STK3: variants seen among roughly 807,000 people sequenced by gnomAD.
STK3 encodes serine/threonine kinase 3, also known as serine/threonine-protein kinase 3.
A neutral mutation model predicts 58.0 loss-of-function variants in STK3; 41 were observed. The observed-to-expected ratio is 0.71, with a 90% confidence interval of 0.55 to 0.92. The LOEUF (loss-of-function observed/expected upper bound fraction) is 0.92. Ranked by LOEUF, STK3 falls within the 40% of genes least tolerant of loss-of-function variation. STK3 has a pLI of 0.00. For synonymous variants in STK3, 170 were observed against 191.0 expected (o/e 0.89, Z 0.91); for missense variants, 479 against 602.7 (o/e 0.79, Z 2.15).
the STK3 span, among the ~76,000 whole-genome samples, chr8:98,346,256 G>A: frequency 4.0e-5 from 6 of 149,940 alleles, no homozygotes; most frequent in East Asian, 1.2e-3. Flanking sequence ...TTGCACTTCG[G>A]CCTGGGTGAC....
At chr8:98,361,334 A>AC in the STK3 span, among the ~76,000 whole-genome samples, 3 of 151,732 alleles carry the variant, frequency 2.0e-5, no homozygotes, top group Non-Finnish European at 4.4e-5. Flanking sequence ...ACAAGGCATG[A>AC]CCCCCATATA....
intron 4 of STK3, among the ~76,000 whole-genome samples, chr8:98,718,713 T>C (rs1400987618): frequency 6.6e-6 from 1 of 151,466 alleles, no homozygotes; most frequent in Non-Finnish European, 1.5e-5. Flanking sequence ...ATTAATATAT[T>C]AATGTTGAAC....
intron 1 of STK3, among the ~76,000 whole-genome samples, chr8:98,790,050 C>CCAGGACTAGAGAGATTCA (rs1832714263): frequency 1.6e-5 from 2 of 127,142 alleles, no homozygotes; most frequent in Admixed American, 7.7e-5. Context: ...AAAAAAAAGT[C>CCAGGACTAGAGAGATTCA]CAGGACTAGA....
intron 6 of STK3, 130 bp downstream of exon 6, chr8:98,706,337 G>C: frequency 1.1e-6 from 1 of 951,970 alleles, no homozygotes; most frequent in Non-Finnish European, 1.5e-6. Flanking sequence ...ATCTTTAAGA[G>C]GTAATTTTAC....
At chr8:98,356,430 A>G in the STK3 span, among the ~76,000 whole-genome samples, 3 of 152,174 alleles carry the variant, frequency 2.0e-5, no homozygotes, top group African/African-American at 7.2e-5. Context: ...TAGTTCGCAA[A>G]AGGACAGAGG....
chr8:98,831,237 T>A (rs1174085448), intron 3 of STK3, among the ~76,000 whole-genome samples: 1 of 152,072 alleles, frequency 6.6e-6, no homozygotes, highest in African/African-American at 2.4e-5. Context: ...AAGGTAAAAA[T>A]TTTTCCTTGT....
chr8:98,590,705 A>G (rs1486119897), intron 7 of STK3, among the ~76,000 whole-genome samples: 2 of 152,236 alleles, frequency 1.3e-5, no homozygotes, highest in Non-Finnish European at 2.9e-5. Flanking sequence ...CCTCATGTAG[A>G]AACATGAGTT....
At chr8:98,392,701 T>G (rs1271733783), upstream of STK3, among the ~76,000 whole-genome samples, 1 of 152,260 alleles carries the variant, frequency 6.6e-6, no homozygotes, top group South Asian at 2.1e-4. Context: ...ATGATACTGG[T>G]TTCTACTCCT....
At chr8:98,820,759 C>T (rs1215175398) in intron 1 of STK3, among the ~76,000 whole-genome samples, 2 of 151,362 alleles carry the variant, frequency 1.3e-5, no homozygotes, top group Admixed American at 6.6e-5. Flanking sequence ...GGGTGGATCA[C>T]GAGGTCATGA....
chr8:98,677,985 A>T (rs1823348680), intron 6 of STK3, among the ~76,000 whole-genome samples: 1 of 152,186 alleles, frequency 6.6e-6, no homozygotes, highest in African/African-American at 2.4e-5. Flanking sequence ...GGTTAAGAAA[A>T]CCACATTTGT....
At chr8:98,510,427 GC>G (rs1824418664) in intron 10 of STK3, among the ~76,000 whole-genome samples, 1 of 151,060 alleles carries the variant, frequency 6.6e-6, no homozygotes, top group South Asian at 2.1e-4. Context: ...CCATATATTT[GC>G]CTTCATTTTC....
In STK3 at chr8:98,530,145, C is replaced by T. The variant is rs554322723; in HGVS notation, c.1142-3228G>A. 1.5e-4 allele frequency among the ~76,000 whole-genome samples: 23 copies of T among 152,250 alleles called. No individual in the cohort carries two copies. In the Middle Eastern group the frequency reaches 0.014, roughly 90 times the overall value. On this transcript the variant is annotated intron_variant, in intron 9 of 10. Transcript: ENST00000419617. The stretch of plus-strand genomic sequence containing the variant: ...TATGTTTGTTTGTTTGCCTTCACAA[C>T]GTCAATTTTCTTAAAAATTTCTTTT...
chr8:98,842,677 C>CAAAA (rs1836041538), intron 3 of STK3, among the ~76,000 whole-genome samples: 1 of 151,888 alleles, frequency 6.6e-6, no homozygotes. Flanking sequence ...GATCCTGTCT[C>CAAAA]AAAAACAAAA....
intron 1 of STK3, among the ~76,000 whole-genome samples, chr8:98,792,002 C>T (rs774220085): frequency 1.8e-4 from 27 of 152,128 alleles, no homozygotes; most frequent in Admixed American, 2.0e-4. Context: ...GACAAAAGAA[C>T]GGTCAGCAGA....
At chr8:98,695,421 C>G (rs1824810538) in intron 6 of STK3, among the ~76,000 whole-genome samples, 1 of 152,114 alleles carries the variant, frequency 6.6e-6, no homozygotes, top group African/African-American at 2.4e-5. Flanking sequence ...AGTCCTTGCC[C>G]ATGCCTATGT....
At chr8:98,843,887 C>T (rs1243801153) in intron 3 of STK3, among the ~76,000 whole-genome samples, 1 of 152,210 alleles carries the variant, frequency 6.6e-6, no homozygotes, top group Non-Finnish European at 1.5e-5. Context: ...CGTGATGGTG[C>T]ATGCCTGTAA....
At chr8:98,724,975 A>C (rs1356045835) in intron 4 of STK3, among the ~76,000 whole-genome samples, 1 of 152,204 alleles carries the variant, frequency 6.6e-6, no homozygotes, top group Non-Finnish European at 1.5e-5. Context: ...ATAAAAAATG[A>C]ACATGTCCTT....
chr8:98,800,618 C>T lies in STK3; in HGVS notation c.26+24897G>A, dbSNP rs181014016. Among the ~76,000 whole-genome samples the T allele has an allele frequency of 8.7e-3, 1,321 of 152,272 alleles. 10 individuals carry two copies. The highest frequency in any genetic ancestry group is 0.03 in the African/African-American group (1,241 of 41,570). ...AGCGTGGGCAGGAACCAGGACTGCG[C>T]GCAGCACTCATGGGCCAGCACGAGT... On this transcript the variant is annotated intron_variant, in intron 1 of 10. Transcript: ENST00000419617. This position sits in a 1 kb window ranked among gnomAD's most constrained non-coding sequence, Gnocchi z 4.8.
chr8:98,529,440 T>C (rs747351087), intron 9 of STK3, among the ~76,000 whole-genome samples: 5 of 152,194 alleles, frequency 3.3e-5, no homozygotes, highest in Non-Finnish European at 7.3e-5. Flanking sequence ...ATGGTGATAT[T>C]TATTCATCAA....
Sources: gnomAD v4.1 joint callset for allele counts (sites outside exome capture counted in the v4.1 genomes callset) on GRCh38, gnomAD v4.1.1 for gene constraint, Gnocchi (gnomAD v3.1) non-coding constraint, MANE v1.5 for transcripts, NCBI Gene and HGNC (gene_info 2026-07-23, HGNC 2026-07-21) for gene names.